The following CSMD3 variants were observed in gnomAD, a reference collection of about 807,000 sequenced individuals.
CSMD3 encodes CUB and sushi domain-containing protein 3.
CSMD3 carries 177 observed loss-of-function variants against 435.2 expected under a neutral mutation model. The observed-to-expected ratio is 0.41, with a 90% confidence interval of 0.36 to 0.46. The LOEUF is 0.46. Among genes scored for constraint, CSMD3 ranks in the 20% least tolerant of loss-of-function variants. The pLI is 0.34. For missense variants in CSMD3, 4,265 were observed against 4,504.6 expected (o/e 0.95, Z 1.52); for synonymous variants, 1,656 against 1,520.5 (o/e 1.09, Z -2.07).
chr8:112,593,932 T>C (rs1831423861), intron 22 of CSMD3, among the ~76,000 whole-genome samples: 1 of 152,216 alleles, frequency 6.6e-6, no homozygotes, highest in Non-Finnish European at 1.5e-5. Flanking sequence ...TCTTTGGTTT[T>C]GTTTTGTTTT....
chr8:112,722,561 CTG>C (rs2076881574), intron 13 of CSMD3, among the ~76,000 whole-genome samples: 1 of 151,970 alleles, frequency 6.6e-6, no homozygotes, highest in Non-Finnish European at 1.5e-5. Flanking sequence ...GCACACGAGC[CTG>C]TGTGTGCGTT....
At chr8:113,255,747 C>T (rs1336718060) in intron 3 of CSMD3, among the ~76,000 whole-genome samples, 4 of 151,840 alleles carry the variant, frequency 2.6e-5, no homozygotes, top group Non-Finnish European at 2.9e-5. Context: ...TGAAAATATA[C>T]TGATATTATA....
chr8:112,598,303 A>C (rs1321010979), intron 22 of CSMD3, among the ~76,000 whole-genome samples: 2 of 147,504 alleles, frequency 1.4e-5, no homozygotes, highest in Non-Finnish European at 3.0e-5. Flanking sequence ...TAGGAATCCA[A>C]CTTACAAGGG....
chr8:113,322,750 C>T (rs1563698040), intron 1 of CSMD3, among the ~76,000 whole-genome samples: 1 of 151,678 alleles, frequency 6.6e-6, no homozygotes, highest in African/African-American at 2.4e-5. Context: ...TTTATACTGG[C>T]TTTTTTTTAT....
intron 28 of CSMD3, among the ~76,000 whole-genome samples, chr8:112,509,993 A>C (rs1822935275): frequency 6.6e-6 from 1 of 152,098 alleles, no homozygotes; most frequent in Admixed American, 6.6e-5. Context: ...TAGGTTCCTA[A>C]ATTGTTAGAT....
chr8:113,398,683 T>C (rs755444531), intron 1 of CSMD3, among the ~76,000 whole-genome samples: 2 of 152,170 alleles, frequency 1.3e-5, no homozygotes, highest in African/African-American at 4.8e-5. Context: ...TTGTGCTTAT[T>C]ATTAGCATTG....
At chr8:113,037,196 C>T (rs938259289) in intron 5 of CSMD3, among the ~76,000 whole-genome samples, 3 of 152,010 alleles carry the variant, frequency 2.0e-5, no homozygotes, top group Non-Finnish European at 2.9e-5. Flanking sequence ...TTTGTAGTGA[C>T]ATAATCAGGT....
At chr8:112,290,494 A>G (rs1426568167) in intron 56 of CSMD3, among the ~76,000 whole-genome samples, 1 of 151,984 alleles carries the variant, frequency 6.6e-6, no homozygotes, top group African/African-American at 2.4e-5. Context: ...AACACAAATA[A>G]GTCAAATGAA....
chr8:112,379,509 AC>A (rs1437389349), intron 38 of CSMD3, among the ~76,000 whole-genome samples: 1 of 152,098 alleles, frequency 6.6e-6, no homozygotes, highest in Non-Finnish European at 1.5e-5. Flanking sequence ...CTAAATAGTG[AC>A]GAGAAAAGAT....
At chr8:112,398,066 C>T (rs1325932475) in intron 35 of CSMD3, among the ~76,000 whole-genome samples, 1 of 152,178 alleles carries the variant, frequency 6.6e-6, no homozygotes, top group South Asian at 2.1e-4. Flanking sequence ...GAGACAGGCA[C>T]GGGACAGATA....
intron 13 of CSMD3, among the ~76,000 whole-genome samples, chr8:112,762,847 A>G (rs998489456): frequency 4.0e-5 from 6 of 151,864 alleles, no homozygotes; most frequent in African/African-American, 1.4e-4. Flanking sequence ...GGAGTCTAAA[A>G]AAGTTGATCT....
chr8:113,042,743 C>A (rs2087675891), intron 5 of CSMD3, among the ~76,000 whole-genome samples: 1 of 151,976 alleles, frequency 6.6e-6, no homozygotes, highest in African/African-American at 2.4e-5. Context: ...ATGAGGGGAG[C>A]CGGGAACTTT....
intron 5 of CSMD3, among the ~76,000 whole-genome samples, chr8:113,032,614 A>G (rs540559418): frequency 5.9e-5 from 9 of 151,784 alleles, no homozygotes; most frequent in Non-Finnish European, 1.0e-4. Flanking sequence ...TTACGTTTAA[A>G]AGGAAAGTAA....
chr8:112,756,019 ATCCTGGTGGAATCTTTGCTTCTT>A (rs1291480301), intron 13 of CSMD3, among the ~76,000 whole-genome samples: 2 of 152,052 alleles, frequency 1.3e-5, no homozygotes, highest in Non-Finnish European at 1.5e-5. Context: ...GGTGCTACAT[ATCCTGGTGGAATCTTTGCTTCTT>A]GAGGAATTAA....
intron 5 of CSMD3, among the ~76,000 whole-genome samples, chr8:113,072,489 T>C (rs2089169484): frequency 6.6e-6 from 1 of 151,772 alleles, no homozygotes; most frequent in African/African-American, 2.4e-5. Context: ...TCTGTTTTGT[T>C]TAGATATTTT....
chr8:112,405,665 A>G (rs980822013), intron 35 of CSMD3, among the ~76,000 whole-genome samples: 14 of 151,888 alleles, frequency 9.2e-5, no homozygotes, highest in Admixed American at 6.6e-5. Context: ...AAATGTTACC[A>G]CCAATATTTG....
At chr8:112,819,143 C>G (rs889456719) in intron 12 of CSMD3, among the ~76,000 whole-genome samples, 1 of 152,090 alleles carries the variant, frequency 6.6e-6, no homozygotes, top group Non-Finnish European at 1.5e-5. Context: ...TCCCTAGGTG[C>G]AATGAAAGGC....
intron 4 of CSMD3, among the ~76,000 whole-genome samples, chr8:113,135,850 T>C (rs1238655190): frequency 6.6e-6 from 1 of 151,816 alleles, no homozygotes; most frequent in Non-Finnish European, 1.5e-5. Flanking sequence ...GAAATTTGAA[T>C]TAAGCCTTAA....
chr8:112,390,094 A>C (rs932503844), intron 36 of CSMD3, among the ~76,000 whole-genome samples: 2 of 152,202 alleles, frequency 1.3e-5, no homozygotes, highest in Non-Finnish European at 2.9e-5. Context: ...AATCATAGTA[A>C]ATCTTTGGTT....
Sources: gnomAD v4.1 joint callset for allele counts (sites outside exome capture counted in the v4.1 genomes callset) on GRCh38, gnomAD v4.1.1 for gene constraint, MANE v1.5 for transcripts, NCBI Gene and HGNC (gene_info 2026-07-23, HGNC 2026-07-21) for gene names.